CTNNA3: variants seen among roughly 807,000 people sequenced by gnomAD.
CTNNA3 encodes catenin alpha-3.
CTNNA3 carries 76 observed loss-of-function variants against 95.7 expected under a neutral mutation model. The observed-to-expected ratio is 0.79, with a 90% CI of 0.66 to 0.96. The LOEUF is 0.96. Among genes scored for constraint, CTNNA3 ranks in the 40% least tolerant of loss-of-function variants. The pLI is 0.00. For synonymous variants in CTNNA3, 431 were observed against 374.4 expected (o/e 1.15, Z -1.74); for missense variants, 1,191 against 1,089.8 (o/e 1.09, Z -1.31).
At chr10:66,868,806 C>T (rs1213688583) in intron 7 of CTNNA3, among the ~76,000 whole-genome samples, 1 of 150,866 alleles carries the variant, frequency 6.6e-6, no homozygotes, top group African/African-American at 2.4e-5. Context: ...TTACTGTGAG[C>T]ATAGAGGAGA....
At chr10:66,052,188 GT>G (rs1370309299) in intron 15 of CTNNA3, among the ~76,000 whole-genome samples, 2 of 152,140 alleles carry the variant, frequency 1.3e-5, no homozygotes, top group Non-Finnish European at 2.9e-5. Context: ...TACATTTTAA[GT>G]GCCATGATAA....
At chr10:66,772,482 G>A (rs1422608194) in intron 8 of CTNNA3, among the ~76,000 whole-genome samples, 12 of 151,032 alleles carry the variant, frequency 7.9e-5, no homozygotes, top group African/African-American at 2.9e-4. Context: ...GTGTTGGTGT[G>A]ATGAGGAGGA....
At chr10:67,426,076 G>A (rs16924459) in intron 5 of CTNNA3, among the ~76,000 whole-genome samples, 5,199 of 152,118 alleles carry the variant, frequency 0.034, 253 homozygotes, top group African/African-American at 0.11. Context: ...GTGTTCCAGC[G>A]CATGAAATGT....
chr10:66,555,979 T>A (rs1453489524), intron 10 of CTNNA3, among the ~76,000 whole-genome samples: 2 of 152,048 alleles, frequency 1.3e-5, no homozygotes, highest in Non-Finnish European at 2.9e-5. Flanking sequence ...GATAAGGGGC[T>A]AATATCCAAA....
chr10:67,000,374 G>A (rs950474057), intron 7 of CTNNA3, among the ~76,000 whole-genome samples: 10 of 152,120 alleles, frequency 6.6e-5, no homozygotes, highest in Admixed American at 3.3e-4. Flanking sequence ...AGTTGATGGC[G>A]AATTGGCACA....
At chr10:67,061,683 G>A (rs1045424432) in intron 7 of CTNNA3, among the ~76,000 whole-genome samples, 1 of 152,174 alleles carries the variant, frequency 6.6e-6, no homozygotes, top group African/African-American at 2.4e-5. Context: ...AACATAAAAG[G>A]GATGATGAAA....
intron 8 of CTNNA3, among the ~76,000 whole-genome samples, chr10:66,768,560 A>G (rs1459799796): frequency 6.6e-6 from 1 of 152,212 alleles, no homozygotes; most frequent in Non-Finnish European, 1.5e-5. Context: ...AAACATAACT[A>G]TAATATTCCC....
intron 7 of CTNNA3, among the ~76,000 whole-genome samples, chr10:67,180,047 C>A (rs996182644): frequency 6.6e-6 from 1 of 152,014 alleles, no homozygotes; most frequent in Non-Finnish European, 1.5e-5. Context: ...TTCTCCAATC[C>A]TGATTCCCTT....
chr10:67,060,197 AG>A (rs1427101169), intron 7 of CTNNA3, among the ~76,000 whole-genome samples: 1 of 152,158 alleles, frequency 6.6e-6, no homozygotes, highest in Non-Finnish European at 1.5e-5. Context: ...ATGCGCCTGT[AG>A]TCTCAGCTAC....
intron 17 of CTNNA3, among the ~76,000 whole-genome samples, chr10:65,954,479 G>A (rs2077689168): frequency 6.6e-6 from 1 of 152,132 alleles, no homozygotes; most frequent in South Asian, 2.1e-4. Flanking sequence ...TGTCCTGAAT[G>A]GTATTGCCTA....
chr10:66,397,795 A>G (rs947697096), intron 11 of CTNNA3, among the ~76,000 whole-genome samples: 4 of 151,888 alleles, frequency 2.6e-5, no homozygotes, highest in Non-Finnish European at 4.4e-5. Context: ...ACATCATTGC[A>G]TTATGTACCG....
intron 2 of CTNNA3, among the ~76,000 whole-genome samples, chr10:67,630,823 G>C (rs965143110): frequency 2.0e-5 from 3 of 152,082 alleles, no homozygotes; most frequent in Non-Finnish European, 4.4e-5. Flanking sequence ...CTTTACAAAA[G>C]ATAACACATT....
chr10:67,467,724 T>G (rs1301906721), intron 5 of CTNNA3, among the ~76,000 whole-genome samples: 3 of 151,752 alleles, frequency 2.0e-5, no homozygotes, highest in African/African-American at 7.3e-5. Context: ...TTATTATTAT[T>G]ATTTTTGAGA....
intron 11 of CTNNA3, among the ~76,000 whole-genome samples, chr10:66,497,140 C>T (rs190377105): frequency 2.0e-5 from 3 of 152,050 alleles, no homozygotes; most frequent in Admixed American, 1.3e-4. Context: ...CAGGGGGTTA[C>T]GATGTCAATA....
At chr10:66,441,198 T>A (rs896409838) in intron 11 of CTNNA3, among the ~76,000 whole-genome samples, 1 of 147,862 alleles carries the variant, frequency 6.8e-6, no homozygotes. Context: ...AAAATAATTT[T>A]AAAAAATCAA....
At chr10:67,062,539 G>T (rs886604483) in intron 7 of CTNNA3, among the ~76,000 whole-genome samples, 1 of 152,092 alleles carries the variant, frequency 6.6e-6, no homozygotes, top group Non-Finnish European at 1.5e-5. Context: ...GTGTGTCTGC[G>T]TGTAGATATG....
At chr10:67,103,010 T>G (rs962211564) in intron 7 of CTNNA3, among the ~76,000 whole-genome samples, 7 of 151,770 alleles carry the variant, frequency 4.6e-5, no homozygotes, top group African/African-American at 1.7e-4. Flanking sequence ...ACCTATAATA[T>G]CCTTGAAGTT....
chr10:66,055,481 A>G (rs2080062638), intron 15 of CTNNA3, among the ~76,000 whole-genome samples: 1 of 151,944 alleles, frequency 6.6e-6, no homozygotes, highest in Admixed American at 6.6e-5. Context: ...GGCTATTGTA[A>G]TGGGATTACT....
intron 14 of CTNNA3, among the ~76,000 whole-genome samples, chr10:66,089,186 T>C (rs900590894): frequency 2.0e-5 from 3 of 151,954 alleles, no homozygotes; most frequent in African/African-American, 7.2e-5. Context: ...TTACTCCTTT[T>C]TATCTAGTAC....
Sources: allele counts gnomAD v4.1 joint callset (sites outside exome capture counted in the v4.1 genomes callset), GRCh38; gene constraint gnomAD v4.1.1; transcripts MANE v1.5; gene names NCBI Gene and HGNC (gene_info 2026-07-23, HGNC 2026-07-21).